Variants in CSMD2 observed in about 807,000 individuals in gnomAD.
CSMD2 encodes CUB and sushi domain-containing protein 2.
Under a neutral mutation model 398.5 loss-of-function variants are expected in CSMD2, and 130 were observed. The observed-to-expected ratio is 0.33, with a 90% CI of 0.28 to 0.38. The LOEUF (loss-of-function observed/expected upper bound fraction) is 0.38, where lower values mean the gene tolerates loss of function less well. CSMD2 is among the 10% of genes least tolerant of loss of function. CSMD2 has a pLI of 1.00. For missense variants in CSMD2, 3,829 were observed against 4,764.9 expected, an observed-to-expected ratio of 0.80 and a Z score of 5.78; for synonymous variants, 1,828 against 1,908.5, an observed-to-expected ratio of 0.96 and a Z score of 1.10.
intron 2 of CSMD2, among the ~76,000 whole-genome samples, chr1:34,034,688 G>C (rs976525209): frequency 6.6e-6 from 1 of 151,906 alleles, no homozygotes; most frequent in African/African-American, 2.4e-5. Context: ...AGCTTGACTT[G>C]GTTTTCTATC....
chr1:33,986,494 C>T (rs754117637), intron 3 of CSMD2, among the ~76,000 whole-genome samples: 12 of 152,238 alleles, frequency 7.9e-5, no homozygotes, highest in Non-Finnish European at 1.6e-4. Context: ...TGTGACAGAG[C>T]GAGTAGGTAG....
intron 1 of CSMD2, among the ~76,000 whole-genome samples, chr1:34,117,800 T>C (rs1661757138): frequency 6.6e-6 from 1 of 152,194 alleles, no homozygotes; most frequent in African/African-American, 2.4e-5. Context: ...ATGTTTGAAA[T>C]GCAAAAATTT....
intron 22 of CSMD2, among the ~76,000 whole-genome samples, chr1:33,704,357 G>A (rs532065972): frequency 6.9e-4 from 105 of 152,050 alleles, no homozygotes; most frequent in Non-Finnish European, 1.2e-3. Flanking sequence ...ACAATGCTGC[G>A]TTCTATTGGT....
intron 1 of CSMD2, among the ~76,000 whole-genome samples, chr1:34,132,413 G>T (rs1663453556): frequency 6.6e-6 from 1 of 151,564 alleles, no homozygotes; most frequent in Non-Finnish European, 1.5e-5. Context: ...TTCTGATTAA[G>T]ACCCAAATAT....
At chr1:33,999,089 CT>C (rs1315861344) in intron 3 of CSMD2, among the ~76,000 whole-genome samples, 1 of 152,222 alleles carries the variant, frequency 6.6e-6, no homozygotes, top group East Asian at 1.9e-4. Flanking sequence ...CCACTTTCCC[CT>C]AACAGCCCAT....
chr1:34,156,936 T>C (rs528264926), intron 1 of CSMD2, among the ~76,000 whole-genome samples: 20 of 152,280 alleles, frequency 1.3e-4, no homozygotes, highest in Non-Finnish European at 2.6e-4. Flanking sequence ...GAGGGGGCCA[T>C]GGAGGTAAAC....
Position 33,924,743 on chromosome 1 carries a change from T to G in CSMD2, c.713-6442A>C, listed in dbSNP as rs565679189. On this transcript the variant is annotated intron_variant, in intron 4 of 70. Coordinates refer to ENST00000373381, the MANE Select transcript of CSMD2 (RefSeq NM_001281956.2). Reference sequence around the variant, plus strand: ...TTAATAATAGCCATTCTAACTAGGGTAAAATGATACCTCACTGTGATTTTG... The same window carrying G: ...TTAATAATAGCCATTCTAACTAGGGGAAAATGATACCTCACTGTGATTTTG... Among the ~76,000 whole-genome samples the G allele has an allele frequency of 9.2e-5, 14 of 152,348 alleles. No homozygotes were observed. The South Asian group carries it at 2.9e-3, about 32-fold the overall frequency.
rs143617019 is a variant in CSMD2 at position 33,726,552 on chromosome 1, G to A, written c.2502C>T (p.Phe834=). The A allele has an allele frequency of 3.0e-4, 490 of 1,609,954 alleles. 3 individuals are homozygous for A. In the African/African-American group the frequency reaches 5.7e-3, roughly 19 times the overall value. The change falls in exon 16 of 71, where the codon TTC becomes TTT. Residue 834 remains phenylalanine, a synonymous_variant. Transcript: ENST00000373381. The part of the protein sequence containing the change: ...AQPGYPIKIT[F]DRFKTEVNYD... ...AAGGCTGTGGTCACAAGCACCTGTC[G>A]AAGGTGATTTTGATGGGGTAGCCTG... is the stretch of plus-strand genomic sequence containing the variant.
intron 51 of CSMD2, among the ~76,000 whole-genome samples, chr1:33,571,189 A>G (rs1659562155): frequency 6.6e-6 from 1 of 152,202 alleles, no homozygotes. Flanking sequence ...AGTAGACTAT[A>G]AAGTCCTTGT....
chr1:33,807,571 G>A (rs1164061828), intron 10 of CSMD2, among the ~76,000 whole-genome samples: 1 of 152,100 alleles, frequency 6.6e-6, no homozygotes, highest in Non-Finnish European at 1.5e-5. Context: ...AACCTAAGTG[G>A]ACAGTGGCTT....
rs74224649 is a variant in CSMD2, at chr1:33,740,842, C to T, written c.2174-1508G>A. Among the ~76,000 whole-genome samples, 36 of 152,268 alleles carry T rather than the reference C, an allele frequency of 2.4e-4. No individual in the cohort carries two copies. The East Asian group carries it at 4.8e-3, about 20-fold the overall frequency. On this transcript the variant is annotated intron_variant, in intron 14 of 70. Transcript: ENST00000373381. ...ACACATACACGCGCGCGCGTGCATG[C>T]GCACACACACAAGCGCAAATGCACA...
At chr1:34,152,906 G>C (rs1340198181) in intron 1 of CSMD2, among the ~76,000 whole-genome samples, 1 of 152,116 alleles carries the variant, frequency 6.6e-6, no homozygotes, top group African/African-American at 2.4e-5. Context: ...CCAGCCCCTG[G>C]CAACCACCAT....
In CSMD2 at chr1:33,904,285, C is replaced by G. The variant is rs1642939915; in HGVS notation, c.920+13809G>C. On this transcript the variant is annotated intron_variant, in intron 5 of 70. Coordinates refer to ENST00000373381, the MANE Select transcript of CSMD2 (RefSeq NM_001281956.2). ...CAGAAGCAGCTTCCTCTTAGGAAAA[C>G]AGATGTGGGAGGTCGTGGAGAAGGC... Among the ~76,000 whole-genome samples the G allele has an allele frequency of 3.9e-5, 6 of 152,272 alleles. No homozygotes were observed. In the South Asian group the frequency reaches 1.2e-3, roughly 32 times the overall value.
At chr1:33,827,749 T>G (rs867015906) in intron 6 of CSMD2, among the ~76,000 whole-genome samples, 1 of 152,196 alleles carries the variant, frequency 6.6e-6, no homozygotes, top group Admixed American at 6.5e-5. Context: ...ACCTACTCAA[T>G]AGATAATCAA....
intron 2 of CSMD2, among the ~76,000 whole-genome samples, chr1:34,072,627 G>A (rs1655858169): frequency 1.3e-5 from 2 of 152,186 alleles, no homozygotes; most frequent in Admixed American, 1.3e-4. Flanking sequence ...TGGCTCCAGG[G>A]GGTGTTAAAT....
At chr1:34,008,633 C>T (rs10914838) in intron 3 of CSMD2, among the ~76,000 whole-genome samples, 12,756 of 152,250 alleles carry the variant, frequency 0.084, 1,087 homozygotes, top group East Asian at 0.39. Flanking sequence ...CTCTTTCTCA[C>T]CTAAACACAC....
At chr1:33,785,380 C>T (rs1653401617) in intron 12 of CSMD2, among the ~76,000 whole-genome samples, 1 of 152,222 alleles carries the variant, frequency 6.6e-6, no homozygotes, top group Non-Finnish European at 1.5e-5. Context: ...CCTTGGGAGG[C>T]TTCTGGTGCA....
chr1:33,663,209 C>T (rs1557693913), intron 25 of CSMD2, 117 bp from the exon 26 acceptor site: 3 of 797,788 alleles, frequency 3.8e-6, no homozygotes, highest in Non-Finnish European at 2.0e-6. Flanking sequence ...CCCTAAACCT[C>T]CGAAGCCCAG....
At chr1:33,643,498 A>G (rs1240971434) in intron 29 of CSMD2, among the ~76,000 whole-genome samples, 1 of 152,216 alleles carries the variant, frequency 6.6e-6, no homozygotes, top group Non-Finnish European at 1.5e-5. Flanking sequence ...CAAAGTACAT[A>G]TCAAATACTT....
Sources: allele counts gnomAD v4.1 joint callset (sites outside exome capture counted in the v4.1 genomes callset), GRCh38; gene constraint gnomAD v4.1.1; transcripts MANE v1.5; gene names NCBI Gene and HGNC (gene_info 2026-07-23, HGNC 2026-07-21).